Variants in ZNF169 observed in about 807,000 individuals in gnomAD.
The protein encoded by ZNF169 is zinc finger protein 169.
Under a neutral mutation model 12.0 loss-of-function variants are expected in ZNF169, and 11 were observed. That is an observed-to-expected ratio of 0.92 (90% CI 0.58 to 1.52). The LOEUF is 1.52. Ranked by LOEUF, ZNF169 falls within the 40% of genes most tolerant of loss-of-function variation. The pLI, the probability that ZNF169 is intolerant of heterozygous loss-of-function variation, is 0.00. For missense variants in ZNF169, 722 were observed against 744.0 expected (o/e 0.97, Z 0.34); for synonymous variants, 302 against 286.5 (o/e 1.05, Z -0.55).
chr9:94,297,265 A>G (rs984415540), intron 4 of ZNF169, among the ~76,000 whole-genome samples: 6 of 150,278 alleles, frequency 4.0e-5, no homozygotes, highest in Non-Finnish European at 7.4e-5. Context: ...TGAACACAGT[A>G]TAGCTCTCCA....
rs371073394 is a variant in ZNF169 at position 94,293,002 on chromosome 9, C to T, written c.189C>T (p.Ile63=). The T allele has an allele frequency of 8.3e-5, 134 of 1,613,158 alleles. No homozygotes were observed. The highest frequency in any genetic ancestry group is 6.6e-4 in the Middle Eastern group (4 of 6,060). ...TTGCATTTTCCAAACCAAAACTCAT[C>T]GAACAGCTGGAGCAAGGCGACGAAC... The part of the protein sequence containing the change: ...LGIAFSKPKL[I]EQLEQGDEPW... The change falls in exon 4 of 5, where the codon ATC becomes ATT. Residue 63 remains isoleucine, a synonymous_variant. Coordinates refer to ENST00000395395, the MANE Select transcript of ZNF169 (RefSeq NM_194320.4).
chr9:94,281,374 C>T (rs1040183626), intron 2 of ZNF169, among the ~76,000 whole-genome samples: 23 of 152,172 alleles, frequency 1.5e-4, no homozygotes, highest in African/African-American at 4.8e-4. Flanking sequence ...AGAATTGTAA[C>T]ATGCATTATA....
intron 4 of ZNF169, among the ~76,000 whole-genome samples, chr9:94,298,455 C>T (rs548078874): frequency 3.6e-4 from 55 of 152,108 alleles, no homozygotes; most frequent in Non-Finnish European, 6.2e-4. Context: ...CCGAGGCAGG[C>T]GGATCACCTA....
At chr9:94,278,917 T>C (rs1830570530) in intron 2 of ZNF169, 72 bp downstream of exon 2, 5 of 1,530,130 alleles carry the variant, frequency 3.3e-6, no homozygotes, top group Non-Finnish European at 4.5e-6. Flanking sequence ...AAGGCTGCCT[T>C]CTTGGTGTTA....
At chr9:94,279,252 G>A (rs139680501) in intron 2 of ZNF169, among the ~76,000 whole-genome samples, 3,927 of 152,058 alleles carry the variant, frequency 0.026, 184 homozygotes, top group African/African-American at 0.087. Context: ...TTAGCTGGGC[G>A]TGGTGGTGGG....
intron 4 of ZNF169, chr9:94,296,771 T>A: frequency 2.2e-6 from 1 of 456,984 alleles, no homozygotes; most frequent in Non-Finnish European, 4.4e-6. Flanking sequence ...CTTTATTAGG[T>A]CTTGAACTCA....
rs368143416 is a variant in ZNF169 at position 94,299,809 on chromosome 9, T to C, written c.257-6T>C. 1 of 1,606,142 alleles carries C rather than the reference T, an allele frequency of 6.2e-7. No individual in the cohort carries two copies. The highest frequency in any genetic ancestry group is 8.5e-7 in the Non-Finnish European group (1 of 1,175,812). ...GTGATTCTGACCAAGACTTTCTCTC[T>C]AGCAGAGCCTAGAACAGAATTCCAG... On this transcript the variant is annotated splice_polypyrimidine_tract_variant and splice_region_variant and intron_variant, in intron 4 of 4. Transcript: ENST00000395395.
chr9:94,260,272 C>G (rs1830177393), intron 1 of ZNF169, among the ~76,000 whole-genome samples: 1 of 152,130 alleles, frequency 6.6e-6, no homozygotes, highest in Non-Finnish European at 1.5e-5. Context: ...AGGCTGGTCT[C>G]GAACTCCTGA....
Position 94,300,597 on chromosome 9 carries a change from G to C in ZNF169, c.1039G>C (p.Val347Leu). 1.2e-6 allele frequency: 2 copies of C among 1,613,554 alleles called. No individual in the cohort carries two copies. The highest frequency in any genetic ancestry group is 1.7e-6 in the Non-Finnish European group (2 of 1,179,842). The change falls in exon 5 of 5, where the codon GTG (valine) becomes CTG (leucine). Residue 347 changes from valine to leucine, a missense_variant. Coordinates refer to ENST00000395395, the MANE Select transcript of ZNF169 (RefSeq NM_194320.4). ...QRTHLEEKPF[V>L]CPECGRGFCQ... is the part of the protein sequence containing the mutation. Reference sequence around the variant, plus strand: ...GACGCACTTGGAGGAGAAGCCCTTCGTGTGTCCTGAGTGTGGGAGAGGCTT... The same window carrying C: ...GACGCACTTGGAGGAGAAGCCCTTCCTGTGTCCTGAGTGTGGGAGAGGCTT...
At chr9:94,285,069 A>G (rs566283956) in intron 2 of ZNF169, among the ~76,000 whole-genome samples, 1 of 152,218 alleles carries the variant, frequency 6.6e-6, no homozygotes, top group Admixed American at 6.5e-5. Flanking sequence ...GGCAGTCCTG[A>G]AAAAAAATCT....
Position 94,300,713 on chromosome 9 carries a change from G to T in ZNF169, c.1155G>T (p.Gln385His), listed in dbSNP as rs748384742. 4 of 1,612,920 alleles carry T rather than the reference G, an allele frequency of 2.5e-6. No homozygotes were observed. The African/African-American group carries it at 5.4e-5, about 22-fold the overall frequency. The change falls in exon 5 of 5, where the codon CAG (glutamine) becomes CAT (histidine). Residue 385 changes from glutamine (Q) to histidine (H), a missense_variant. By Grantham distance (24) the Gln-to-His change is conservative (BLOSUM62 0). Coordinates refer to ENST00000395395, the MANE Select transcript of ZNF169 (RefSeq NM_194320.4). ...LCLECGRSFR[Q>H]QSLLLSHQVT... The stretch of plus-strand genomic sequence containing the variant: ...TTGAGTGTGGGCGTAGCTTCAGGCA[G>T]CAGTCACTCCTCCTTAGTCACCAGG...
At chr9:94,288,259 G>T (rs1830756365) in intron 2 of ZNF169, 1 of 800,008 alleles carries the variant, frequency 1.2e-6, no homozygotes, top group African/African-American at 1.7e-5. Context: ...CGAATTGAAG[G>T]TCAGCTTCAG....
chr9:94,288,731 C>T (rs1830768716), intron 2 of ZNF169, among the ~76,000 whole-genome samples: 1 of 152,194 alleles, frequency 6.6e-6, no homozygotes, highest in Non-Finnish European at 1.5e-5. Flanking sequence ...GATTTGCTTG[C>T]TTCCCCTTCA....
rs183197448 is a variant in ZNF169 at position 94,267,034 on chromosome 9, G to A, written c.-56+7689G>A. 3.3e-5 allele frequency among the ~76,000 whole-genome samples: 5 copies of A among 151,742 alleles called. No individual in the cohort carries two copies. The East Asian group carries it at 7.8e-4, about 24-fold the overall frequency. On this transcript the variant is annotated intron_variant, in intron 1 of 4. Transcript: ENST00000395395. Reference sequence around the variant, plus strand: ...CGCCATTCTCCTGCCTCAGCCTTCCGAGTAGCTGGGACTACAGGCGAGCGC... The same window carrying A: ...CGCCATTCTCCTGCCTCAGCCTTCCAAGTAGCTGGGACTACAGGCGAGCGC...
chr9:94,299,480 C>T (rs1347854070), intron 4 of ZNF169: 2 of 1,212,830 alleles, frequency 1.6e-6, no homozygotes, highest in Non-Finnish European at 2.1e-6. Context: ...CTTGCATAAA[C>T]AGCAGGCCGA....
intron 2 of ZNF169, among the ~76,000 whole-genome samples, chr9:94,285,048 G>A (rs1057106834): frequency 3.9e-5 from 6 of 152,014 alleles, no homozygotes; most frequent in Non-Finnish European, 7.4e-5. Flanking sequence ...GTAGATCAGT[G>A]GAATAGAATT....
chr9:94,301,346 G>T lies in ZNF169; in HGVS notation c.1788G>T (p.Gln596His). ...ACAGGAGGACCAAGTCTGGTCATCAGCTCCTACCCCAAGAGGTCTTCTGAC... is the reference window on the plus strand; with the variant it reads ...ACAGGAGGACCAAGTCTGGTCATCATCTCCTACCCCAAGAGGTCTTCTGAC... ...HRHRRTKSGH[Q>H]LLPQEVF Residue 596 changes from glutamine to histidine, a missense_variant, in exon 5 of 5, where the codon CAG becomes CAT. Transcript: ENST00000395395. 1 of 1,612,852 alleles carries T rather than the reference G, an allele frequency of 6.2e-7. No individual in the cohort carries two copies. The highest frequency in any genetic ancestry group is 8.5e-7 in the Non-Finnish European group (1 of 1,179,130).
chr9:94,301,148 C>G lies in ZNF169; in HGVS notation c.1590C>G (p.Ile530Met), dbSNP rs546024678. The G allele has an allele frequency of 3.1e-6, 5 of 1,613,950 alleles. No homozygotes were observed. In the East Asian group the frequency reaches 1.1e-4, roughly 36 times the overall value. Residue 530 changes from isoleucine to methionine, a missense_variant, in exon 5 of 5, where the codon ATC becomes ATG. Transcript: ENST00000395395. ...GACTTGGCCAGAAGTCACACCTTAT[C>G]TCTGACCAAAGGACACACTCAGGAG... ...GQGLGQKSHLISDQRTHSGEK... is the reference protein window; with the variant it reads ...GQGLGQKSHLMSDQRTHSGEK...
chr9:94,263,614 C>T (rs1830242116), intron 1 of ZNF169, among the ~76,000 whole-genome samples: 1 of 151,752 alleles, frequency 6.6e-6, no homozygotes, highest in Admixed American at 6.6e-5. Context: ...TTCTCCAACT[C>T]GTGGGCTTAA....
Sources: allele counts gnomAD v4.1 joint callset (sites outside exome capture counted in the v4.1 genomes callset), GRCh38; gene constraint gnomAD v4.1.1; transcripts MANE v1.5; gene names NCBI Gene and HGNC (gene_info 2026-07-23, HGNC 2026-07-21).